The following SNTG1 variants were observed in gnomAD, a reference collection of about 807,000 sequenced individuals.
SNTG1 encodes the protein syntrophin gamma 1.
SNTG1 carries 39 observed loss-of-function variants against 74.7 expected under a neutral mutation model. That is an observed-to-expected ratio of 0.52 (90% CI 0.40 to 0.68). SNTG1 has a LOEUF of 0.68. SNTG1 is among the 30% of genes least tolerant of loss of function. The probability of loss-of-function intolerance (pLI) is 0.00; values close to 1 mark genes in which losing one functional copy is unlikely to be tolerated. For missense variants in SNTG1, 685 were observed against 609.5 expected (o/e 1.12, Z -1.30); for synonymous variants, 254 against 217.1 (o/e 1.17, Z -1.49).
chr8:50,304,746 C>T (rs991607031), intron 2 of SNTG1, among the ~76,000 whole-genome samples: 1 of 152,144 alleles, frequency 6.6e-6, no homozygotes, highest in African/African-American at 2.4e-5. Context: ...TATACTCTGT[C>T]TAATATAGCC....
At chr8:50,466,221 GA>G (rs2131713435) in intron 8 of SNTG1, among the ~76,000 whole-genome samples, 1 of 152,130 alleles carries the variant, frequency 6.6e-6, no homozygotes, top group East Asian at 1.9e-4. Context: ...TCATTTTTGT[GA>G]AAGGGGTAAC....
At chr8:50,779,704 C>T (rs1237000432) in intron 18 of SNTG1, among the ~76,000 whole-genome samples, 46 of 151,554 alleles carry the variant, frequency 3.0e-4, no homozygotes, top group African/African-American at 9.0e-4. Context: ...TTTCCTTCTC[C>T]TGCCTAATTG....
intron 15 of SNTG1, among the ~76,000 whole-genome samples, chr8:50,690,653 G>A (rs2131442841): frequency 6.6e-6 from 1 of 152,306 alleles, no homozygotes; most frequent in South Asian, 2.1e-4. Flanking sequence ...TTGCTAAGGA[G>A]TGTTTTACTT....
At chr8:50,756,969 T>A (rs932631408) in intron 18 of SNTG1, among the ~76,000 whole-genome samples, 1 of 151,786 alleles carries the variant, frequency 6.6e-6, no homozygotes, top group Non-Finnish European at 1.5e-5. Flanking sequence ...TCTTATAGAA[T>A]TTTTATGTAT....
intron 1 of SNTG1, among the ~76,000 whole-genome samples, chr8:50,128,676 T>A (rs1586393758): frequency 6.6e-6 from 1 of 152,092 alleles, no homozygotes; most frequent in African/African-American, 2.4e-5. Context: ...TAAAAAAAAA[T>A]AATTGAACCA....
At chr8:50,087,824 A>G (rs1345932400) in intron 1 of SNTG1, among the ~76,000 whole-genome samples, 1 of 151,298 alleles carries the variant, frequency 6.6e-6, no homozygotes. Context: ...GTACATGTGC[A>G]CATTGTGCAG....
intron 9 of SNTG1, among the ~76,000 whole-genome samples, chr8:50,518,219 C>T (rs745862898): frequency 9.9e-5 from 15 of 152,014 alleles, no homozygotes; most frequent in Non-Finnish European, 2.9e-5. Flanking sequence ...GGGTAAATAA[C>T]AAAATTAAGG....
chr8:50,400,766 A>G (rs2092793184), intron 3 of SNTG1, among the ~76,000 whole-genome samples: 1 of 152,040 alleles, frequency 6.6e-6, no homozygotes, highest in Admixed American at 6.6e-5. Context: ...GTTGGAGTTG[A>G]GAGTAGAATA....
intron 8 of SNTG1, among the ~76,000 whole-genome samples, chr8:50,472,110 T>A (rs879053443): frequency 2.0e-5 from 3 of 152,248 alleles, no homozygotes; most frequent in Admixed American, 2.0e-4. Flanking sequence ...TATTAATACA[T>A]CAGAACTACC....
At chr8:50,275,764 C>T (rs1483665670) in intron 2 of SNTG1, among the ~76,000 whole-genome samples, 1 of 152,154 alleles carries the variant, frequency 6.6e-6, no homozygotes, top group Non-Finnish European at 1.5e-5. Context: ...AAGATATGGA[C>T]TCCAGCGACT....
chr8:50,116,205 AG>A (rs374073962), intron 1 of SNTG1, among the ~76,000 whole-genome samples: 18 of 152,334 alleles, frequency 1.2e-4, no homozygotes, highest in African/African-American at 4.3e-4. Context: ...GGTCAAATTT[AG>A]GGTGTCGGAT....
rs906788082 is a variant in SNTG1 at position 50,122,193 on chromosome 8, G to A, written c.-102-50368G>A. Among the ~76,000 whole-genome samples the A allele has an allele frequency of 3.7e-4, 53 of 141,848 alleles. 10 individuals are homozygous for A. Among genetic ancestry groups the A allele is most frequent in the Admixed American group, 2.6e-3 (36 of 13,756 alleles). The allele number at this position is 141,848 out of a possible 152,430, so 93.1% of individuals were successfully genotyped here. A position where few individuals can be genotyped will look rare whatever the true frequency, so the allele number is the denominator to read the frequency against. On this transcript the variant is annotated intron_variant, in intron 1 of 18. Transcript: ENST00000642720. Reference sequence around the variant, plus strand: ...GTGTTTCTCAGCCTCTGTAGGCCACGCTGCCTTTGAATAAATGTAAAAATA... The same window carrying A: ...GTGTTTCTCAGCCTCTGTAGGCCACACTGCCTTTGAATAAATGTAAAAATA...
At chr8:50,094,407 G>A (rs1166450598) in intron 1 of SNTG1, among the ~76,000 whole-genome samples, 1 of 152,046 alleles carries the variant, frequency 6.6e-6, no homozygotes, top group Non-Finnish European at 1.5e-5. Flanking sequence ...TCTTCAAAAT[G>A]GAGGAAAATA....
At chr8:50,737,972 G>A (rs1023010796) in intron 17 of SNTG1, among the ~76,000 whole-genome samples, 1 of 151,982 alleles carries the variant, frequency 6.6e-6, no homozygotes, top group Admixed American at 6.6e-5. Context: ...GGCAAAAGTG[G>A]GAAGCATTCC....
At chr8:50,677,866 G>A (rs2095315234) in intron 15 of SNTG1, among the ~76,000 whole-genome samples, 1 of 151,908 alleles carries the variant, frequency 6.6e-6, no homozygotes, top group South Asian at 2.1e-4. Context: ...CACTACTAAT[G>A]AAATTAACAA....
In SNTG1 at chr8:49,975,349, C is replaced by T. The variant is rs540667055; in HGVS notation, c.-103+63118C>T. 2.7e-3 allele frequency among the ~76,000 whole-genome samples: 406 copies of T among 151,930 alleles called. 2 individuals carry two copies. The highest frequency in any genetic ancestry group is 9.3e-3 in the African/African-American group (386 of 41,462). Reference sequence around the variant, plus strand: ...TCTTAGAATTTCATATTAAGAATACCCGATTATCTTTGCCTTAGTATGCTT... The same window carrying T: ...TCTTAGAATTTCATATTAAGAATACTCGATTATCTTTGCCTTAGTATGCTT... On this transcript the variant is annotated intron_variant, in intron 1 of 18. Coordinates refer to ENST00000642720, the MANE Select transcript of SNTG1 (RefSeq NM_018967.5).
chr8:50,571,471 G>A (rs941038164), intron 12 of SNTG1, among the ~76,000 whole-genome samples: 9 of 152,228 alleles, frequency 5.9e-5, no homozygotes, highest in Admixed American at 4.6e-4. Context: ...GGAGTGCAGT[G>A]ATGGCACAGG....
chr8:49,923,569 A>G (rs1226224358), intron 1 of SNTG1, among the ~76,000 whole-genome samples: 1 of 152,164 alleles, frequency 6.6e-6, no homozygotes, highest in Non-Finnish European at 1.5e-5. Context: ...TATAAAGGAT[A>G]CATGTTAAGA....
At chr8:50,637,664 A>G (rs1248164840) in intron 13 of SNTG1, among the ~76,000 whole-genome samples, 1 of 152,110 alleles carries the variant, frequency 6.6e-6, no homozygotes, top group Non-Finnish European at 1.5e-5. Context: ...GATTGGATGC[A>G]TTATCTTATT....
Sources: allele counts gnomAD v4.1 joint callset (sites outside exome capture counted in the v4.1 genomes callset), GRCh38; gene constraint gnomAD v4.1.1; transcripts MANE v1.5; gene names NCBI Gene and HGNC (gene_info 2026-07-23, HGNC 2026-07-21).